VPS13A: variants seen among roughly 807,000 people sequenced by gnomAD.
VPS13A encodes intermembrane lipid transfer protein VPS13A.
A neutral mutation model predicts 390.9 loss-of-function variants in VPS13A; 264 were observed. That is an observed-to-expected ratio of 0.68 (90% confidence interval 0.61 to 0.75). The LOEUF is 0.75. Among genes scored for constraint, VPS13A ranks in the 30% least tolerant of loss-of-function variants. The probability of loss-of-function intolerance (pLI) is 0.00; values close to 1 mark genes in which losing one functional copy is unlikely to be tolerated. For missense variants in VPS13A, 3,409 were observed against 3,733.9 expected (o/e 0.91, Z 2.27); for synonymous variants, 1,231 against 1,227.1 (o/e 1.00, Z -0.07).
chr9:77,270,255 A>G (rs113821914), intron 23 of VPS13A, among the ~76,000 whole-genome samples: 24 of 152,328 alleles, frequency 1.6e-4, no homozygotes, highest in Admixed American at 1.1e-3. Flanking sequence ...TAAATTATTG[A>G]TATAAAATAT....
At chr9:77,267,790 C>G (rs914562797) in intron 23 of VPS13A, among the ~76,000 whole-genome samples, 3 of 152,190 alleles carry the variant, frequency 2.0e-5, no homozygotes, top group Non-Finnish European at 2.9e-5. Flanking sequence ...CCCAGGTGCT[C>G]CGTCCCAGGG....
chr9:77,317,530 T>C, intron 39 of VPS13A, 76 bp from the exon 40 acceptor site: 4 of 1,117,552 alleles, frequency 3.6e-6, no homozygotes, highest in Non-Finnish European at 5.2e-6. Flanking sequence ...GACATACCTA[T>C]TACTAGGAAA....
intron 2 of VPS13A, among the ~76,000 whole-genome samples, chr9:77,200,212 C>T (rs1253284369): frequency 1.3e-5 from 2 of 151,986 alleles, no homozygotes; most frequent in Non-Finnish European, 2.9e-5. Context: ...TTAGGCTGGG[C>T]ATGGTGGCTC....
chr9:77,301,439 C>T (rs1256353829), intron 33 of VPS13A, among the ~76,000 whole-genome samples: 1 of 152,184 alleles, frequency 6.6e-6, no homozygotes. Context: ...AGCATGCAGG[C>T]ATATGTAAGT....
intron 33 of VPS13A, among the ~76,000 whole-genome samples, chr9:77,301,307 G>T (rs1828336606): frequency 6.6e-6 from 1 of 152,072 alleles, no homozygotes; most frequent in Non-Finnish European, 1.5e-5. Context: ...ATTCTGATAT[G>T]GCTATTAAAA....
chr9:77,335,683 C>T (rs1195617849), intron 46 of VPS13A, among the ~76,000 whole-genome samples: 1 of 152,108 alleles, frequency 6.6e-6, no homozygotes, highest in East Asian at 1.9e-4. Flanking sequence ...GAATGGCAAT[C>T]GTTAAAAAGT....
At chr9:77,192,118 G>A (rs754803735) in intron 1 of VPS13A, among the ~76,000 whole-genome samples, 1 of 152,024 alleles carries the variant, frequency 6.6e-6, no homozygotes, top group Non-Finnish European at 1.5e-5. Context: ...TGTCCTTTTT[G>A]ATTGTTGTTG....
intron 34 of VPS13A, among the ~76,000 whole-genome samples, chr9:77,304,680 C>G (rs1005780247): frequency 6.6e-6 from 1 of 152,134 alleles, no homozygotes; most frequent in Non-Finnish European, 1.5e-5. Context: ...CTTAGTTTTA[C>G]TTTCTTATTG....
At chr9:77,298,750 TGTGGGAGGGACCTG>T (rs1358754622) in intron 33 of VPS13A, among the ~76,000 whole-genome samples, 4 of 152,152 alleles carry the variant, frequency 2.6e-5, no homozygotes, top group African/African-American at 9.7e-5. Flanking sequence ...TCCCACATGT[TGTGGGAGGGACCTG>T]GTGGGAGATA....
At chr9:77,395,053 C>G (rs1288090665) in intron 68 of VPS13A, among the ~76,000 whole-genome samples, 1 of 152,180 alleles carries the variant, frequency 6.6e-6, no homozygotes, top group East Asian at 1.9e-4. Flanking sequence ...GTAACACTTT[C>G]ATAATACTTT....
At chr9:77,180,568 A>G (rs1361262952) in intron 1 of VPS13A, among the ~76,000 whole-genome samples, 1 of 152,148 alleles carries the variant, frequency 6.6e-6, no homozygotes, top group African/African-American at 2.4e-5. Flanking sequence ...GAAGTTTTGT[A>G]GTTTTAGGTT....
Position 77,275,569 on chromosome 9 carries a change from A to G in VPS13A, c.2584A>G (p.Lys862Glu). 1 of 1,613,796 alleles carries G rather than the reference A, an allele frequency of 6.2e-7. No homozygotes were observed. The highest frequency in any genetic ancestry group is 8.5e-7 in the Non-Finnish European group (1 of 1,179,780). The change falls in exon 25 of 72, where the codon AAA (lysine) becomes GAA (glutamate). Residue 862 changes from lysine (K) to glutamate (E), a missense_variant. Lys to Glu is a moderately conservative substitution (Grantham distance 56, BLOSUM62 1). This residue lies in a region of VPS13A where 2,717 missense variants were observed against 2,917.4 expected (regional missense o/e 0.93). Coordinates refer to ENST00000360280, the MANE Select transcript of VPS13A (RefSeq NM_033305.3). ...ACCTCTTCAGTTTCCAACTGGAGTT[A>G]AAAGTATTCGAACCAGAAAGTTACA... ...EEPLQFPTGV[K>E]SIRTRKLQKQ...
intron 68 of VPS13A, chr9:77,385,067 A>T: frequency 9.9e-7 from 1 of 1,007,700 alleles, no homozygotes; most frequent in Non-Finnish European, 1.2e-6. Context: ...CTGGGCTTTA[A>T]TGTAATGCCA....
chr9:77,397,235 C>T (rs909924286), intron 68 of VPS13A, among the ~76,000 whole-genome samples: 21 of 152,034 alleles, frequency 1.4e-4, no homozygotes, highest in African/African-American at 2.2e-4. Context: ...GGGATCCGCC[C>T]GCCTCGGCCT....
intron 17 of VPS13A, among the ~76,000 whole-genome samples, chr9:77,229,932 T>C (rs1823729603): frequency 6.6e-6 from 1 of 152,200 alleles, no homozygotes. Context: ...CAACACTTGT[T>C]ATTATCTGTT....
chr9:77,254,863 T>G (rs975423711), intron 22 of VPS13A, among the ~76,000 whole-genome samples: 1 of 152,224 alleles, frequency 6.6e-6, no homozygotes, highest in East Asian at 1.9e-4. Context: ...TGAATTTGTT[T>G]ACAATTCTAA....
chr9:77,306,910 A>ATTTTTTTTTTTTTT (rs199833366), intron 34 of VPS13A, among the ~76,000 whole-genome samples: 1 of 129,872 alleles, frequency 7.7e-6, no homozygotes, highest in Non-Finnish European at 1.7e-5. Flanking sequence ...TTGGCTCTTT[A>ATTTTTTTTTTTTTT]TTTTTTTTTT....
chr9:77,266,288 TTCTGTAGATG>T (rs1051398431), intron 23 of VPS13A, among the ~76,000 whole-genome samples: 1 of 152,116 alleles, frequency 6.6e-6, no homozygotes, highest in African/African-American at 2.4e-5. Context: ...GGGTGGAGAG[TTCTGTAGATG>T]TCTATTAGGT....
intron 31 of VPS13A, 119 bp downstream of exon 31, chr9:77,283,769 G>A (rs1171324204): frequency 5.0e-6 from 4 of 798,170 alleles, no homozygotes; most frequent in Non-Finnish European, 8.0e-6. Context: ...TTATGTGCAT[G>A]GGTTTTGGAG....
Sources: allele counts gnomAD v4.1 joint callset (sites outside exome capture counted in the v4.1 genomes callset), GRCh38; gene constraint gnomAD v4.1.1; regional missense constraint gnomAD v4.1.1; transcripts MANE v1.5; gene names NCBI Gene and HGNC (gene_info 2026-07-23, HGNC 2026-07-21).